Variants in ZNF366 observed in about 807,000 individuals in gnomAD.
ZNF366 encodes the protein dendritic cell-specific transcript protein.
ZNF366 carries 20 observed loss-of-function variants against 47.2 expected under a neutral mutation model. The observed-to-expected ratio is 0.42, with a 90% CI of 0.30 to 0.62. The LOEUF (loss-of-function observed/expected upper bound fraction) is 0.62, where lower values mean the gene tolerates loss of function less well. Ranked by LOEUF, ZNF366 falls within the 20% of genes least tolerant of loss-of-function variation. The pLI, the probability that ZNF366 is intolerant of heterozygous loss-of-function variation, is 0.16. For synonymous variants in ZNF366, 421 were observed against 395.1 expected (o/e 1.07, Z -0.78); for missense variants, 987 against 976.3 (o/e 1.01, Z -0.15).
rs945224410 is a variant in ZNF366 at position 72,442,250 on chromosome 5, T to A, written c.*1506A>T. The A allele has an allele frequency of 6.6e-5, 10 of 152,224 alleles. No homozygotes were observed. The highest frequency in any genetic ancestry group is 2.4e-4 in the African/African-American group (10 of 41,446). The allele number at this position is 152,224 out of a possible 1,614,324, so 9.4% of individuals were successfully genotyped here. A position where few individuals can be genotyped will look rare whatever the true frequency, so the allele number is the denominator to read the frequency against. On this transcript the variant is annotated 3_prime_UTR_variant, in exon 5 of 5. Transcript: ENST00000318442. ...CTGAGGCTAGGAACAGAAATACTTA[T>A]GAAGTCTCTGGGAAGTGTCCTGGAA...
At chr5:72,450,502 G>T (rs1743045200) in intron 3 of ZNF366, among the ~76,000 whole-genome samples, 1 of 152,116 alleles carries the variant, frequency 6.6e-6, no homozygotes, top group Non-Finnish European at 1.5e-5. Flanking sequence ...GTCTTTGGTT[G>T]GGGAAATAAA....
chr5:72,506,566 C>A (rs544240279), intron 1 of ZNF366, among the ~76,000 whole-genome samples: 1 of 152,234 alleles, frequency 6.6e-6, no homozygotes, highest in South Asian at 2.1e-4. Context: ...TATTGTTTTC[C>A]AAAACTAAAG....
Position 72,441,234 on chromosome 5 carries a change from C to T in ZNF366, c.*2522G>A, listed in dbSNP as rs1375556970. On this transcript the variant is annotated 3_prime_UTR_variant, in exon 5 of 5. Transcript: ENST00000318442. ...ACTCTAGAATTTCCTGGTTTCCATT[C>T]CAGCCAGGCATACTCAGAACCAAAC... 6.6e-6 allele frequency: 1 copy of T among 152,216 alleles called. No individual in the cohort carries two copies. Among genetic ancestry groups the T allele is most frequent in the Non-Finnish European group, 1.5e-5 (1 of 68,048 alleles). The allele number at this position is 152,216 out of a possible 1,614,324, so 9.4% of individuals were successfully genotyped here.
intron 1 of ZNF366, among the ~76,000 whole-genome samples, chr5:72,479,028 C>T (rs949946724): frequency 6.6e-6 from 1 of 152,234 alleles, no homozygotes; most frequent in South Asian, 2.1e-4. Context: ...GTTCTAGTTT[C>T]AAATGGGCTC....
At chr5:72,465,525 T>C (rs1276098080) in intron 1 of ZNF366, among the ~76,000 whole-genome samples, 1 of 152,156 alleles carries the variant, frequency 6.6e-6, no homozygotes, top group African/African-American at 2.4e-5. Flanking sequence ...CTCCGCTCTA[T>C]TTCTTAAAGT....
At chr5:72,461,928 A>T (rs565558509) in intron 1 of ZNF366, among the ~76,000 whole-genome samples, 23 of 152,240 alleles carry the variant, frequency 1.5e-4, no homozygotes, top group Non-Finnish European at 3.2e-4. Context: ...AGGAGTGAGC[A>T]CTAGACCCAT....
At chr5:72,472,792 C>T (rs558148450) in intron 1 of ZNF366, among the ~76,000 whole-genome samples, 9 of 152,136 alleles carry the variant, frequency 5.9e-5, no homozygotes, top group African/African-American at 1.7e-4. Flanking sequence ...AGTCCTTCCC[C>T]GGGGCCCTAA....
chr5:72,469,537 G>T (rs886187737), intron 1 of ZNF366, among the ~76,000 whole-genome samples: 6 of 152,130 alleles, frequency 3.9e-5, no homozygotes, highest in African/African-American at 1.4e-4. Flanking sequence ...GGGGAACAGG[G>T]TTATGAGAAT....
chr5:72,441,342 G>C lies in ZNF366; in HGVS notation c.*2414C>G, dbSNP rs1742851250. On this transcript the variant is annotated 3_prime_UTR_variant, in exon 5 of 5. Coordinates refer to ENST00000318442, the MANE Select transcript of ZNF366 (RefSeq NM_152625.3). ...CGCAGTGTGAATAAATGTGTAACCA[G>C]ACCCCAAGAGCTGGAAGCCTCCCAG... 1 of 152,274 alleles carries C rather than the reference G, an allele frequency of 6.6e-6. No individual in the cohort carries two copies. Among genetic ancestry groups the C allele is most frequent in the African/African-American group, 2.4e-5 (1 of 41,430 alleles). The allele number at this position is 152,274 out of a possible 1,614,324, so 9.4% of individuals were successfully genotyped here. A position where few individuals can be genotyped will look rare whatever the true frequency, so the allele number is the denominator to read the frequency against.
chr5:72,491,202 C>G (rs899660337), intron 1 of ZNF366, among the ~76,000 whole-genome samples: 13 of 152,238 alleles, frequency 8.5e-5, no homozygotes, highest in Admixed American at 2.6e-4. Context: ...AGCTGGCCCA[C>G]AGCCCCACAA....
In ZNF366 at chr5:72,460,101, C is replaced by G. The variant is rs1743268693; in HGVS notation, c.1332+64G>C. The G allele has an allele frequency of 1.9e-6, 3 of 1,562,694 alleles. No individual in the cohort carries two copies. In the African/African-American group the frequency reaches 4.0e-5, roughly 21 times the overall value. On this transcript the variant is annotated intron_variant, in intron 2 of 4. Coordinates refer to ENST00000318442, the MANE Select transcript of ZNF366 (RefSeq NM_152625.3). ...GGCACAGGCGTCCTGCTCCCCAGTG[C>G]TCTGCTCAGGGCCCCGCTCCTCTTC...
At chr5:72,448,857 T>C (rs1025592722) in intron 3 of ZNF366, among the ~76,000 whole-genome samples, 1 of 152,220 alleles carries the variant, frequency 6.6e-6, no homozygotes, top group African/African-American at 2.4e-5. Flanking sequence ...GAATGCTGGG[T>C]CCATGTATGG....
intron 1 of ZNF366, among the ~76,000 whole-genome samples, chr5:72,477,712 T>A (rs938754431): frequency 2.0e-5 from 3 of 152,186 alleles, no homozygotes; most frequent in African/African-American, 7.2e-5. Context: ...TTATCTACGG[T>A]CACATAACCT....
intron 1 of ZNF366, among the ~76,000 whole-genome samples, chr5:72,498,780 T>G (rs982774811): frequency 6.6e-6 from 1 of 152,218 alleles, no homozygotes; most frequent in Non-Finnish European, 1.5e-5. Flanking sequence ...TATACACAAG[T>G]GTAAGGTACA....
In ZNF366 at chr5:72,444,927, A is replaced by C. The variant is rs910306858; in HGVS notation, c.1700-636T>G. On this transcript the variant is annotated intron_variant, in intron 4 of 4. Transcript: ENST00000318442. ...TTCACTTTTAATGTATTATTGTTTT[A>C]TTTTTTACCATGAGCATATGTTTTA... Among the ~76,000 whole-genome samples the C allele has an allele frequency of 3.9e-5, 6 of 152,274 alleles. No individual in the cohort carries two copies. In the South Asian group the frequency reaches 1.2e-3, roughly 32 times the overall value.
rs76653699 is a variant in ZNF366, at chr5:72,440,909, A to G, written c.*2847T>C. 1 of 152,026 alleles carries G rather than the reference A, an allele frequency of 6.6e-6. No individual in the cohort carries two copies. The allele number at this position is 152,026 out of a possible 1,614,324, so 9.4% of individuals were successfully genotyped here. On this transcript the variant is annotated 3_prime_UTR_variant, in exon 5 of 5. Transcript: ENST00000318442. ...CAACTAAAAACAGGCCCTGGAATAC[A>G]CTCCATAACAAATTGTTTTTATTTC...
chr5:72,460,536 T>A lies in ZNF366; in HGVS notation c.961A>T (p.Thr321Ser). 6.2e-7 allele frequency: 1 copy of A among 1,614,058 alleles called. No individual in the cohort carries two copies. Among genetic ancestry groups the A allele is most frequent in the South Asian group, 1.1e-5 (1 of 91,076 alleles). ...ATCATGTGGCGCTTCAGGTGGCTGG[T>A]CTGGGTGAAGGCCTTGTGGCACACC... Reference protein sequence around the residue: ...CQVCHKAFTQTSHLKRHMMQH... With the variant: ...CQVCHKAFTQSSHLKRHMMQH... The change falls in exon 2 of 5, where the codon ACC becomes TCC. Residue 321 changes from threonine to serine, a missense_variant. Physicochemically the swap from Thr to Ser is moderately conservative, Grantham distance 58 (BLOSUM62 1). Coordinates refer to ENST00000318442, the MANE Select transcript of ZNF366 (RefSeq NM_152625.3).
chr5:72,504,413 T>C (rs937787994), intron 1 of ZNF366, among the ~76,000 whole-genome samples: 9 of 152,312 alleles, frequency 5.9e-5, no homozygotes, highest in South Asian at 2.1e-4. Flanking sequence ...GAACTCTCTT[T>C]GCACGTTCAT....
At chr5:72,505,032 G>A (rs767491597) in intron 1 of ZNF366, among the ~76,000 whole-genome samples, 1 of 152,150 alleles carries the variant, frequency 6.6e-6, no homozygotes. Context: ...CAGATCTACA[G>A]GACACACATC....
Sources: gnomAD v4.1 joint callset for allele counts (sites outside exome capture counted in the v4.1 genomes callset) on GRCh38, gnomAD v4.1.1 for gene constraint, MANE v1.5 for transcripts, NCBI Gene and HGNC (gene_info 2026-07-23, HGNC 2026-07-21) for gene names.